Variants in ATRNL1 observed in about 807,000 individuals in gnomAD.
ATRNL1 encodes the protein attractin like 1.
ATRNL1 carries 95 observed loss-of-function variants against 182.7 expected under a neutral mutation model. The observed-to-expected ratio is 0.52, with a 90% CI of 0.44 to 0.62. ATRNL1 has a LOEUF of 0.62. ATRNL1 is among the 20% of genes least tolerant of loss of function. The probability of loss-of-function intolerance (pLI) is 0.00; values close to 1 mark genes in which losing one functional copy is unlikely to be tolerated. For missense variants in ATRNL1, 1,471 were observed against 1,679.5 expected (o/e 0.88, Z 2.17); for synonymous variants, 576 against 568.3 (o/e 1.01, Z -0.19).
At chr10:115,794,536 G>C (rs999898393) in intron 27 of ATRNL1, among the ~76,000 whole-genome samples, 1 of 151,968 alleles carries the variant, frequency 6.6e-6, no homozygotes, top group Non-Finnish European at 1.5e-5. Context: ...GACTTTCATG[G>C]GCTTGATAAT....
rs138212050 is a variant in ATRNL1 at position 115,334,867 on chromosome 10, C to T, written c.3175+448C>T. Among the ~76,000 whole-genome samples the T allele has an allele frequency of 1.7e-4, 26 of 152,056 alleles. No individual in the cohort carries two copies. The East Asian group carries it at 4.5e-3, about 26-fold the overall frequency. ...ATCTAGGAGAGTATGGGTTTGGAAC[C>T]AAATCTGGGCTGAAATCCCAACTCT... is the stretch of plus-strand genomic sequence containing the variant. On this transcript the variant is annotated intron_variant, in intron 19 of 28. Transcript: ENST00000355044.
Position 115,630,847 on chromosome 10 carries a change from C to CAG in ATRNL1, c.3795+81312_3795+81313insGA, listed in dbSNP as rs1555026123. On this transcript the variant is annotated intron_variant, in intron 26 of 28. Transcript: ENST00000355044. ...TATTATACACACACACACACACACA[C>CAG]ACACACACACACACACACACACACA... 1.1e-3 allele frequency among the ~76,000 whole-genome samples: 155 copies of CAG among 139,928 alleles called. 2 individuals carry two copies. Among genetic ancestry groups the CAG allele is most frequent in the African/African-American group, 4.4e-3 (150 of 33,954 alleles). 91.8% of individuals were successfully genotyped at this position (139,928 alleles called of 152,430 possible). A position where few individuals can be genotyped will look rare whatever the true frequency, so the allele number is the denominator to read the frequency against.
At chr10:115,841,147 T>C (rs1427796746) in intron 27 of ATRNL1, among the ~76,000 whole-genome samples, 1 of 152,122 alleles carries the variant, frequency 6.6e-6, no homozygotes, top group African/African-American at 2.4e-5. Context: ...TTAACAGTCA[T>C]GTTATTAACC....
At chr10:115,349,092 C>G (rs1413668046) in intron 19 of ATRNL1, among the ~76,000 whole-genome samples, 1 of 152,068 alleles carries the variant, frequency 6.6e-6, no homozygotes, top group African/African-American at 2.4e-5. Flanking sequence ...ACCCATTAAC[C>G]ATTTCTATTT....
At chr10:115,511,085 A>G (rs1470286657) in intron 24 of ATRNL1, among the ~76,000 whole-genome samples, 1 of 151,998 alleles carries the variant, frequency 6.6e-6, no homozygotes, top group Non-Finnish European at 1.5e-5. Context: ...GCTGTCTGGT[A>G]TATTTATTCC....
At chr10:115,328,395 T>C (rs1855030885) in intron 18 of ATRNL1, among the ~76,000 whole-genome samples, 1 of 152,112 alleles carries the variant, frequency 6.6e-6, no homozygotes. Flanking sequence ...AATTAACATA[T>C]CTATTACCTT....
At chr10:115,654,659 T>G (rs931775362) in intron 26 of ATRNL1, among the ~76,000 whole-genome samples, 16 of 152,242 alleles carry the variant, frequency 1.1e-4, no homozygotes, top group African/African-American at 3.9e-4. Context: ...TCCTTTACTG[T>G]GCATGTTGTT....
chr10:115,688,938 T>C (rs1260667051), intron 26 of ATRNL1, among the ~76,000 whole-genome samples: 1 of 152,190 alleles, frequency 6.6e-6, no homozygotes, highest in African/African-American at 2.4e-5. Context: ...TGGGTCTTAA[T>C]TTAAGTCATT....
intron 26 of ATRNL1, among the ~76,000 whole-genome samples, chr10:115,683,235 TC>T (rs1236069511): frequency 4.6e-5 from 7 of 152,074 alleles, no homozygotes; most frequent in African/African-American, 1.7e-4. Flanking sequence ...TTCAATTATT[TC>T]ATGGAATTCT....
intron 5 of ATRNL1, among the ~76,000 whole-genome samples, chr10:115,144,694 A>C (rs1422293861): frequency 2.0e-5 from 3 of 152,208 alleles, no homozygotes; most frequent in African/African-American, 4.8e-5. Context: ...TCAATTAACT[A>C]TCTGGTTATA....
At chr10:115,809,822 A>G (rs532983314) in intron 27 of ATRNL1, among the ~76,000 whole-genome samples, 32 of 152,040 alleles carry the variant, frequency 2.1e-4, no homozygotes, top group African/African-American at 7.0e-4. Flanking sequence ...TAGGTTGTCT[A>G]GTACACTGTG....
At chr10:115,684,205 T>G (rs543562206) in intron 26 of ATRNL1, among the ~76,000 whole-genome samples, 1 of 151,550 alleles carries the variant, frequency 6.6e-6, no homozygotes, top group South Asian at 2.1e-4. Context: ...AACTTTCTAC[T>G]TTTTGTTAAT....
chr10:115,195,159 C>T (rs782513336), intron 8 of ATRNL1, among the ~76,000 whole-genome samples: 26 of 151,848 alleles, frequency 1.7e-4, no homozygotes, highest in Non-Finnish European at 2.5e-4. Flanking sequence ...TAGTATTAAG[C>T]GTATTCTCTG....
intron 6 of ATRNL1, among the ~76,000 whole-genome samples, chr10:115,165,328 T>C (rs1554884107): frequency 6.6e-6 from 1 of 152,082 alleles, no homozygotes; most frequent in African/African-American, 2.4e-5. Context: ...CCTAATCAAG[T>C]TAATGTATAT....
At chr10:115,399,873 G>A (rs1321832973) in intron 20 of ATRNL1, among the ~76,000 whole-genome samples, 1 of 151,882 alleles carries the variant, frequency 6.6e-6, no homozygotes, top group Non-Finnish European at 1.5e-5. Flanking sequence ...TAGGACATAG[G>A]CATGGACAAA....
intron 25 of ATRNL1, among the ~76,000 whole-genome samples, chr10:115,548,755 A>G (rs1852807145): frequency 1.3e-5 from 2 of 152,188 alleles, no homozygotes; most frequent in African/African-American, 4.8e-5. Flanking sequence ...TAAAGTAAAC[A>G]TTAGCATATG....
chr10:115,860,575 T>A (rs1951292511), intron 28 of ATRNL1, among the ~76,000 whole-genome samples: 1 of 152,214 alleles, frequency 6.6e-6, no homozygotes, highest in Admixed American at 6.5e-5. Context: ...ACTCTATTTA[T>A]GCATAATATT....
intron 27 of ATRNL1, among the ~76,000 whole-genome samples, chr10:115,732,824 A>G (rs1947839073): frequency 6.6e-6 from 1 of 152,152 alleles, no homozygotes; most frequent in African/African-American, 2.4e-5. Context: ...TAAGGAATAG[A>G]GTTACTTAAA....
In ATRNL1 at chr10:115,823,186, A is replaced by G. The variant is rs144459141; in HGVS notation, c.3904-24691A>G. On this transcript the variant is annotated intron_variant, in intron 27 of 28. Transcript: ENST00000355044. Reference sequence around the variant, plus strand: ...AACCAATGACAAAAACCACATGATTATCTCAATAGATGCAAAAAAGACCTT... The same window carrying G: ...AACCAATGACAAAAACCACATGATTGTCTCAATAGATGCAAAAAAGACCTT... 2.3e-3 allele frequency among the ~76,000 whole-genome samples: 353 copies of G among 152,338 alleles called. 1 individual carries two copies. The highest frequency in any genetic ancestry group is 8.2e-3 in the African/African-American group (340 of 41,572).
Sources: allele counts gnomAD v4.1 joint callset (sites outside exome capture counted in the v4.1 genomes callset), GRCh38; gene constraint gnomAD v4.1.1; transcripts MANE v1.5; gene names NCBI Gene and HGNC (gene_info 2026-07-23, HGNC 2026-07-21).